TBL1XR1: variants seen among roughly 807,000 people sequenced by gnomAD.
TBL1XR1 encodes F-box-like/WD repeat-containing protein TBL1XR1.
In TBL1XR1, 5 loss-of-function variants were observed where a neutral mutation model predicts 66.9. That is an observed-to-expected ratio of 0.07 (90% CI 0.04 to 0.16). The LOEUF is 0.16. TBL1XR1 is among the 10% of genes least tolerant of loss of function. The pLI is 1.00. For synonymous variants in TBL1XR1, 210 were observed against 206.0 expected, an observed-to-expected ratio of 1.02 and a Z score of -0.17; for missense variants, 238 against 623.2, an observed-to-expected ratio of 0.38 and a Z score of 6.58.
chr3:177,038,071 C>G (rs1284797490), intron 12 of TBL1XR1, 27 bp downstream of exon 12: 1 of 1,607,324 alleles, frequency 6.2e-7, no homozygotes, highest in African/African-American at 1.3e-5. Flanking sequence ...ACACCGCCAA[C>G]CCATTTCTCC....
chr3:177,151,513 G>A (rs1239367133), intron 1 of TBL1XR1, among the ~76,000 whole-genome samples: 1 of 152,132 alleles, frequency 6.6e-6, no homozygotes, highest in Non-Finnish European at 1.5e-5. Flanking sequence ...CTCCTTATGA[G>A]AATCTAACTA....
chr3:177,044,540 A>C (rs1335359259), intron 10 of TBL1XR1, among the ~76,000 whole-genome samples: 1 of 152,186 alleles, frequency 6.6e-6, no homozygotes, highest in Non-Finnish European at 1.5e-5. Context: ...GGGCAAGAAG[A>C]AACGTCTGAA....
At chr3:177,161,108 C>T (rs1732158226) in intron 1 of TBL1XR1, 1 of 151,984 alleles carries the variant, frequency 6.6e-6, no homozygotes, top group African/African-American at 2.4e-5. Flanking sequence ...ACAAACACAC[C>T]TAGGTTTGTT....
chr3:177,107,265 A>G (rs1198281698), intron 1 of TBL1XR1, among the ~76,000 whole-genome samples: 1 of 152,196 alleles, frequency 6.6e-6, no homozygotes, highest in Non-Finnish European at 1.5e-5. Flanking sequence ...CTACTGATGA[A>G]CTCAAAGAGT....
At chr3:177,137,386 G>A (rs1218564759) in intron 1 of TBL1XR1, among the ~76,000 whole-genome samples, 1 of 152,178 alleles carries the variant, frequency 6.6e-6, no homozygotes, top group African/African-American at 2.4e-5. Flanking sequence ...CGGTTACTCG[G>A]GAGGCTGAGG....
intron 1 of TBL1XR1, chr3:177,131,513 T>C: frequency 1.6e-5 from 2 of 121,816 alleles, no homozygotes; most frequent in South Asian, 2.4e-4. Context: ...TGAATATCTT[T>C]TTTTTTTTTT....
intron 1 of TBL1XR1, among the ~76,000 whole-genome samples, chr3:177,135,340 T>TATAC (rs1553852742): frequency 1.5e-3 from 17 of 11,260 alleles, no homozygotes; most frequent in Non-Finnish European, 2.7e-3. Flanking sequence ...TGTGTATACA[T>TATAC]ATATATATAT....
intron 2 of TBL1XR1, 83 bp downstream of exon 2, chr3:177,098,382 AT>A (rs1723769544): frequency 6.1e-6 from 5 of 814,248 alleles, no homozygotes; most frequent in Non-Finnish European, 7.4e-6. Flanking sequence ...ATTTTGTCAA[AT>A]TGTGAGAAAC....
intron 2 of TBL1XR1, among the ~76,000 whole-genome samples, chr3:177,072,281 T>C (rs190202624): frequency 2.8e-4 from 43 of 152,300 alleles, no homozygotes; most frequent in Admixed American, 1.2e-3. Context: ...CCCAAGACTT[T>C]TTAAGGGAAC....
At chr3:177,059,803 CTAGAAGAGG>C (rs1577051262) in intron 3 of TBL1XR1, among the ~76,000 whole-genome samples, 1 of 152,252 alleles carries the variant, frequency 6.6e-6, no homozygotes, top group East Asian at 1.9e-4. Flanking sequence ...AGTCAGTGGA[CTAGAAGAGG>C]TAGATCCACC....
In TBL1XR1 at chr3:177,024,882, A is replaced by G. The variant is rs1317390610; in HGVS notation, c.*616T>C. 6.6e-6 allele frequency: 1 copy of G among 152,596 alleles called. No homozygotes were observed. The highest frequency in any genetic ancestry group is 1.5e-5 in the Non-Finnish European group (1 of 68,032). 9.5% of individuals were successfully genotyped at this position (152,596 alleles called of 1,614,324 possible). ...TGAATATATGCTCTGGGAGCCATAAAATGTACCAAACATCTACCTCTTCAA... is the reference window on the plus strand; with the variant it reads ...TGAATATATGCTCTGGGAGCCATAAGATGTACCAAACATCTACCTCTTCAA... On this transcript the variant is annotated 3_prime_UTR_variant, in exon 16 of 16. Coordinates refer to ENST00000457928, the MANE Select transcript of TBL1XR1 (RefSeq NM_024665.7).
chr3:177,090,743 G>A (rs541273010), intron 2 of TBL1XR1, among the ~76,000 whole-genome samples: 20 of 152,184 alleles, frequency 1.3e-4, no homozygotes, highest in East Asian at 3.9e-4. Flanking sequence ...GAATTGAGGC[G>A]GAGGTTGCAG....
chr3:177,133,876 C>CAAAAAAAAAAAAAAAAA (rs541940840), intron 1 of TBL1XR1, among the ~76,000 whole-genome samples: 1 of 105,748 alleles, frequency 9.5e-6, no homozygotes. Flanking sequence ...ACTCCTATCT[C>CAAAAAAAAAAAAAAAAA]AAAAAAAAAA....
intron 1 of TBL1XR1, among the ~76,000 whole-genome samples, chr3:177,167,299 T>C (rs1159730112): frequency 6.6e-6 from 1 of 152,060 alleles, no homozygotes; most frequent in Non-Finnish European, 1.5e-5. Context: ...AAGGCAAAAT[T>C]ATGGAGGCAG....
intron 11 of TBL1XR1, 28 bp downstream of exon 11, chr3:177,038,285 A>G (rs2108436953): frequency 6.3e-7 from 1 of 1,593,230 alleles, no homozygotes; most frequent in African/African-American, 1.3e-5. Flanking sequence ...AATCATGACC[A>G]CTTTAATGTG....
intron 1 of TBL1XR1, among the ~76,000 whole-genome samples, chr3:177,162,174 C>T (rs774992559): frequency 2.0e-5 from 3 of 152,176 alleles, no homozygotes; most frequent in Non-Finnish European, 4.4e-5. Flanking sequence ...ATGTTGAAAA[C>T]GCCACATATC....
chr3:177,084,947 T>G (rs997251613), intron 2 of TBL1XR1, among the ~76,000 whole-genome samples: 1 of 152,242 alleles, frequency 6.6e-6, no homozygotes, highest in African/African-American at 2.4e-5. Flanking sequence ...ATTTGTGGAA[T>G]TATAACTCTC....
intron 3 of TBL1XR1, among the ~76,000 whole-genome samples, chr3:177,062,672 T>C (rs1187799244): frequency 6.6e-6 from 1 of 152,184 alleles, no homozygotes; most frequent in Non-Finnish European, 1.5e-5. Flanking sequence ...GTCTAAAACT[T>C]TCTAAAGAAT....
intron 1 of TBL1XR1, among the ~76,000 whole-genome samples, chr3:177,171,994 G>A (rs553494645): frequency 5.3e-5 from 8 of 151,958 alleles, no homozygotes; most frequent in South Asian, 2.1e-4. Context: ...GGCCAGATGC[G>A]GTGGCTCACG....
Sources: gnomAD v4.1 joint callset for allele counts (sites outside exome capture counted in the v4.1 genomes callset) on GRCh38, gnomAD v4.1.1 for gene constraint, MANE v1.5 for transcripts, NCBI Gene and HGNC (gene_info 2026-07-23, HGNC 2026-07-21) for gene names.